Variants in DCHS2 observed in about 807,000 individuals in gnomAD.
The protein encoded by DCHS2 is protocadherin-23.
In DCHS2, 142 loss-of-function variants were observed where a neutral mutation model predicts 182.4. The observed-to-expected ratio is 0.78, with a 90% CI of 0.68 to 0.89. DCHS2 has a LOEUF of 0.89. Among genes scored for constraint, DCHS2 ranks in the 40% least tolerant of loss-of-function variants. The probability of loss-of-function intolerance (pLI) is 0.00; values close to 1 mark genes in which losing one functional copy is unlikely to be tolerated. For synonymous variants in DCHS2, 1,740 were observed against 1,663.3 expected, an observed-to-expected ratio of 1.05 and a Z score of -1.12; for missense variants, 4,319 against 4,198.6, an observed-to-expected ratio of 1.03 and a Z score of -0.79.
chr4:154,418,859 C>A (rs562537435), intron 1 of DCHS2, among the ~76,000 whole-genome samples: 1 of 152,254 alleles, frequency 6.6e-6, no homozygotes, highest in South Asian at 2.1e-4. Flanking sequence ...GAGAAGACAC[C>A]ATTCCATAAG....
At chr4:154,391,315 A>G (rs1731692710) in intron 1 of DCHS2, 1 of 1,567,670 alleles carries the variant, frequency 6.4e-7, no homozygotes, top group Non-Finnish European at 8.7e-7. Context: ...AATATCTCCT[A>G]TATGAGGGTA....
chr4:154,387,502 A>G (rs1485638424), intron 1 of DCHS2, among the ~76,000 whole-genome samples: 1 of 152,194 alleles, frequency 6.6e-6, no homozygotes, highest in Non-Finnish European at 1.5e-5. Context: ...ATGAGGAAAA[A>G]TCAGGATTGA....
chr4:154,429,080 C>A (rs1207407724), intron 1 of DCHS2, among the ~76,000 whole-genome samples: 2 of 152,090 alleles, frequency 1.3e-5, no homozygotes, highest in Admixed American at 1.3e-4. Context: ...AGAGTACAAC[C>A]TGGCGATGGT....
chr4:154,380,151 T>C (rs1479163179), intron 1 of DCHS2, among the ~76,000 whole-genome samples: 1 of 152,182 alleles, frequency 6.6e-6, no homozygotes, highest in African/African-American at 2.4e-5. Flanking sequence ...CTCCTACCAA[T>C]TGGCAGTGTT....
intron 15 of DCHS2, among the ~76,000 whole-genome samples, chr4:154,256,689 A>G (rs867001283): frequency 8.5e-5 from 13 of 152,224 alleles, no homozygotes; most frequent in East Asian, 1.9e-4. Flanking sequence ...TATATCTTCT[A>G]TGCCCCTGAG....
chr4:154,277,777 A>G (rs1196354204), intron 13 of DCHS2, among the ~76,000 whole-genome samples: 1 of 152,220 alleles, frequency 6.6e-6, no homozygotes, highest in Non-Finnish European at 1.5e-5. Flanking sequence ...GCAGTGGTTC[A>G]TGCCTATAAT....
Position 154,240,544 on chromosome 4 carries a change from A to G in DCHS2, c.7352T>C (p.Phe2451Ser), listed in dbSNP as rs1225426605. Residue 2451 changes from phenylalanine to serine, a missense_variant, in exon 18 of 20, where the codon TTC becomes TCC. By Grantham distance (155) the Phe-to-Ser change is radical (BLOSUM62 -2). Coordinates refer to ENST00000357232, the MANE Select transcript of DCHS2 (RefSeq NM_001358235.2). ...TCTCTTTAAGCCCTTTACCTGATAG[A>G]AATCTTGAGAAAACACTGGTGGATT... ...NDNPPVFSQDFYQVTVPESIP... is the reference protein window; with the variant it reads ...NDNPPVFSQDSYQVTVPESIP... 6.2e-7 allele frequency: 1 copy of G among 1,613,288 alleles called. No homozygotes were observed. Among genetic ancestry groups the G allele is most frequent in the Non-Finnish European group, 8.5e-7 (1 of 1,179,464 alleles).
intron 1 of DCHS2, among the ~76,000 whole-genome samples, chr4:154,387,450 TG>T (rs1232603661): frequency 5.9e-5 from 9 of 152,116 alleles, no homozygotes; most frequent in African/African-American, 2.2e-4. Flanking sequence ...CTGAAGAATG[TG>T]GGTTTATTCA....
chr4:154,469,568 A>G (rs1735375155), intron 1 of DCHS2, among the ~76,000 whole-genome samples: 1 of 152,078 alleles, frequency 6.6e-6, no homozygotes, highest in Non-Finnish European at 1.5e-5. Context: ...AACTCTCAAT[A>G]CCCTCCAATT....
chr4:154,474,445 G>A (rs1440050318), intron 1 of DCHS2, among the ~76,000 whole-genome samples: 2 of 152,232 alleles, frequency 1.3e-5, no homozygotes, highest in African/African-American at 4.8e-5. Context: ...TTCCTCAGGG[G>A]CAGCCCCCTG....
At position 154,490,350 on chromosome 4, in the gene DCHS2, G is replaced by C. The variant is rs1323929889; in HGVS notation, c.1006C>G (p.Arg336Gly). The change falls in exon 1 of 20, where the codon CGC becomes GGC. Residue 336 changes from arginine (R) to glycine (G), a missense_variant. Coordinates refer to ENST00000357232, the MANE Select transcript of DCHS2 (RefSeq NM_001358235.2). ...CCCGCCCCAGGCACTTGCCGGGCGC[G>C]GACGCTGTAGCGCACGAAGCCATTG... ...GPNGFVRYSV[R>G]ARQVPGAGSG... is the part of the protein sequence containing the mutation. 1 of 1,539,860 alleles carries C rather than the reference G, an allele frequency of 6.5e-7. No homozygotes were observed. The highest frequency in any genetic ancestry group is 8.7e-7 in the Non-Finnish European group (1 of 1,145,670).
intron 1 of DCHS2, among the ~76,000 whole-genome samples, chr4:154,480,997 TA>T (rs1335707772): frequency 6.6e-6 from 1 of 152,216 alleles, no homozygotes; most frequent in Non-Finnish European, 1.5e-5. Flanking sequence ...AAAGAACTTT[TA>T]AGGAAAGATT....
intron 13 of DCHS2, chr4:154,272,178 T>C (rs934513495): frequency 6.6e-6 from 1 of 152,156 alleles, no homozygotes; most frequent in African/African-American, 2.4e-5. Flanking sequence ...GGATGGGCAT[T>C]TGAATTATTT....
intron 3 of DCHS2, among the ~76,000 whole-genome samples, chr4:154,350,021 C>T (rs1214394478): frequency 6.6e-6 from 1 of 152,172 alleles, no homozygotes. Flanking sequence ...TGAGCAGGTC[C>T]TGGCTGCTCC....
At chr4:154,350,363 A>G (rs1729550352) in intron 3 of DCHS2, among the ~76,000 whole-genome samples, 1 of 152,250 alleles carries the variant, frequency 6.6e-6, no homozygotes, top group African/African-American at 2.4e-5. Flanking sequence ...ATCTCTGCAG[A>G]AAGGACTACA....
chr4:154,479,421 T>C (rs1326587081), intron 1 of DCHS2, among the ~76,000 whole-genome samples: 2 of 152,160 alleles, frequency 1.3e-5, no homozygotes, highest in Non-Finnish European at 1.5e-5. Context: ...AAGCACTCTC[T>C]AGAAAGATTC....
At chr4:154,479,249 A>G (rs886077982) in intron 1 of DCHS2, among the ~76,000 whole-genome samples, 5 of 152,196 alleles carry the variant, frequency 3.3e-5, no homozygotes, top group Non-Finnish European at 7.3e-5. Context: ...TGAAAATAAT[A>G]CAAGCCATCT....
chr4:154,413,350 T>C (rs1452600222), intron 1 of DCHS2, among the ~76,000 whole-genome samples: 2 of 152,044 alleles, frequency 1.3e-5, no homozygotes, highest in Admixed American at 6.6e-5. Context: ...TGAACACCAC[T>C]TTTTGTCACC....
chr4:154,425,798 C>T (rs183163511), intron 1 of DCHS2, among the ~76,000 whole-genome samples: 18 of 152,318 alleles, frequency 1.2e-4, no homozygotes, highest in Middle Eastern at 3.4e-3. Flanking sequence ...ACCACAGACC[C>T]CTGGCCCCAG....
Sources: allele counts gnomAD v4.1 joint callset (sites outside exome capture counted in the v4.1 genomes callset), GRCh38; gene constraint gnomAD v4.1.1; transcripts MANE v1.5; gene names NCBI Gene and HGNC (gene_info 2026-07-23, HGNC 2026-07-21).